The following FHIP2A variants were observed in gnomAD, a reference collection of about 807,000 sequenced individuals.
FHIP2A encodes FHF complex subunit HOOK interacting protein 2A.
A neutral mutation model predicts 93.5 loss-of-function variants in FHIP2A; 46 were observed. The observed-to-expected ratio is 0.49, with a 90% CI of 0.39 to 0.63. The LOEUF is 0.63. Ranked by LOEUF, FHIP2A falls within the 20% of genes least tolerant of loss-of-function variation. The probability of loss-of-function intolerance (pLI) is 0.00; values close to 1 mark genes in which losing one functional copy is unlikely to be tolerated. For missense variants in FHIP2A, 769 were observed against 909.7 expected (o/e 0.85, Z 1.99); for synonymous variants, 332 against 326.5 (o/e 1.02, Z -0.18).
chr10:114,868,359 G>C (rs1183260458), downstream of FHIP2A, among the ~76,000 whole-genome samples: 1 of 152,102 alleles, frequency 6.6e-6, no homozygotes, highest in Non-Finnish European at 1.5e-5. Context: ...GGGGATCTAG[G>C]TTGTACGCTC....
At chr10:114,864,718 C>T (rs1357598436), downstream of FHIP2A, 8 of 979,186 alleles carry the variant, frequency 8.2e-6, no homozygotes, top group Non-Finnish European at 9.7e-6. Context: ...TTAAACAAAA[C>T]GTCTTATGTT....
At chr10:114,847,741 C>T (rs1383402621) in intron 12 of FHIP2A, among the ~76,000 whole-genome samples, 1 of 145,956 alleles carries the variant, frequency 6.9e-6, no homozygotes, top group Non-Finnish European at 1.5e-5. Flanking sequence ...TCAAAGTTCC[C>T]TCCCCCACCT....
At chr10:114,830,604 G>GA (rs1362909975) in intron 1 of FHIP2A, among the ~76,000 whole-genome samples, 1 of 151,354 alleles carries the variant, frequency 6.6e-6, no homozygotes, top group East Asian at 1.9e-4. Context: ...GTCAGGGGAG[G>GA]AAAAAAAAGC....
At chr10:114,837,437 C>T (rs1279996697) in intron 5 of FHIP2A, among the ~76,000 whole-genome samples, 2 of 152,158 alleles carry the variant, frequency 1.3e-5, no homozygotes, top group Non-Finnish European at 2.9e-5. Context: ...ATCCCTTGAA[C>T]CCGGGAGGTG....
At position 114,875,910 on chromosome 10, in the gene FHIP2A, G is replaced by GAGAAAGAAAGAA. The variant is rs77786368; in HGVS notation, c.2192+14588_2192+14599dup. Among the ~76,000 whole-genome samples, 179 of 74,810 alleles carry GAGAAAGAAAGAA rather than the reference G, an allele frequency of 2.4e-3. 8 individuals carry two copies. The highest frequency in any genetic ancestry group is 3.9e-3 in the Non-Finnish European group (128 of 32,878). The allele number at this position is 74,810 out of a possible 152,430, so 49.1% of individuals were successfully genotyped here. A position where few individuals can be genotyped will look rare whatever the true frequency, so the allele number is the denominator to read the frequency against. On this transcript the variant is annotated intron_variant, in intron 16 of 16. Coordinates refer to the FHIP2A transcript ENST00000369250. The stretch of plus-strand genomic sequence containing the variant: ...AAAGAGAGAGAAAGAAATAAAGAAA[G>GAGAAAGAAAGAA]AGAAAGAAAGAAAGAAAGAAAGAGA...
chr10:114,899,656 C>A, exon 17 of FHIP2A: 1 of 615,526 alleles, frequency 1.6e-6, no homozygotes, highest in South Asian at 2.0e-5. Flanking sequence ...ATTGGCAGAC[C>A]TGAATCACCT....
rs1592032013 is a variant in FHIP2A, at chr10:114,878,434, T to C, written c.2192+17100T>C. On this transcript the variant is annotated intron_variant, in intron 16 of 16. Transcript: ENST00000369250. ...ACTCATAGAAGCTGCTGGAGCCCATTTTCATATCTTTGTGGATGGACAATG... is the reference window on the plus strand; with the variant it reads ...ACTCATAGAAGCTGCTGGAGCCCATCTTCATATCTTTGTGGATGGACAATG... Among the ~76,000 whole-genome samples the C allele has an allele frequency of 6.6e-5, 10 of 152,218 alleles. No individual in the cohort carries two copies. In the South Asian group the frequency reaches 2.1e-3, roughly 32 times the overall value.
chr10:114,882,086 G>C (rs4578301), intron 16 of FHIP2A, among the ~76,000 whole-genome samples: 57 of 152,240 alleles, frequency 3.7e-4, no homozygotes, highest in Non-Finnish European at 7.3e-5. Context: ...ACCTGAATCA[G>C]CACTGTGCCG....
In FHIP2A at chr10:114,861,549, T is replaced by G; in HGVS notation, c.*9T>G. ...CTTCCTCCACACCATAAATAACATC[T>G]TTCATGTAACTGGGGGAACAGAACT... On this transcript the variant is annotated 3_prime_UTR_variant, in exon 17 of 17. Coordinates refer to ENST00000369248, the MANE Select transcript of FHIP2A (RefSeq NM_020940.4). 6.8e-6 allele frequency: 11 copies of G among 1,612,444 alleles called. No individual in the cohort carries two copies. The highest frequency in any genetic ancestry group is 7.6e-6 in the Non-Finnish European group (9 of 1,179,838).
At chr10:114,896,588 A>G (rs1289564362) in intron 16 of FHIP2A, among the ~76,000 whole-genome samples, 1 of 152,214 alleles carries the variant, frequency 6.6e-6, no homozygotes, top group African/African-American at 2.4e-5. Flanking sequence ...CAGAAACTCA[A>G]AAGAATGCAA....
downstream of FHIP2A, among the ~76,000 whole-genome samples, chr10:114,866,936 C>A (rs184878306): frequency 2.6e-5 from 4 of 152,292 alleles, no homozygotes; most frequent in East Asian, 7.7e-4. Flanking sequence ...ACGCCGGGCG[C>A]GGTAGCTCAC....
At chr10:114,837,179 TAGGTGTG>T (rs1406382604) in intron 5 of FHIP2A, among the ~76,000 whole-genome samples, 1 of 152,108 alleles carries the variant, frequency 6.6e-6, no homozygotes, top group Non-Finnish European at 1.5e-5. Flanking sequence ...TCTGGTATTA[TAGGTGTG>T]AGCCACCACA....
chr10:114,889,266 G>C (rs1166699959), intron 16 of FHIP2A, among the ~76,000 whole-genome samples: 2 of 152,124 alleles, frequency 1.3e-5, no homozygotes, highest in Non-Finnish European at 2.9e-5. Context: ...GGAGAAGGCA[G>C]CTAGAACTCA....
intron 5 of FHIP2A, among the ~76,000 whole-genome samples, chr10:114,838,450 C>T (rs1236653492): frequency 6.6e-6 from 1 of 151,880 alleles, no homozygotes; most frequent in Non-Finnish European, 1.5e-5. Context: ...TTCAAAAGGG[C>T]TGGAACAGTC....
chr10:114,882,118 C>T (rs548760996), intron 16 of FHIP2A, among the ~76,000 whole-genome samples: 1 of 152,228 alleles, frequency 6.6e-6, no homozygotes, highest in Admixed American at 6.5e-5. Context: ...AGTCTGCTTA[C>T]TCACGGACAG....
intron 16 of FHIP2A, among the ~76,000 whole-genome samples, chr10:114,889,666 T>C (rs1190265061): frequency 6.6e-6 from 1 of 152,210 alleles, no homozygotes; most frequent in Non-Finnish European, 1.5e-5. Flanking sequence ...GACCATCTTC[T>C]CAATGGCTGA....
intron 6 of FHIP2A, 70 bp downstream of exon 6, chr10:114,843,296 T>C: frequency 9.8e-7 from 1 of 1,016,368 alleles, no homozygotes; most frequent in Non-Finnish European, 1.3e-6. Flanking sequence ...ATTTTTTTAA[T>C]TTTAATTTTT....
chr10:114,865,763 A>G (rs1334382369), downstream of FHIP2A, among the ~76,000 whole-genome samples: 1 of 151,946 alleles, frequency 6.6e-6, no homozygotes, highest in East Asian at 1.9e-4. Context: ...GTAAAAGTTG[A>G]AGTTTTGCTA....
chr10:114,898,366 G>A (rs1273279968), intron 16 of FHIP2A, among the ~76,000 whole-genome samples: 2 of 152,182 alleles, frequency 1.3e-5, no homozygotes, highest in Non-Finnish European at 2.9e-5. Flanking sequence ...AATGGCCAGG[G>A]ACATTCATAC....
Sources: allele counts gnomAD v4.1 joint callset (sites outside exome capture counted in the v4.1 genomes callset), GRCh38; gene constraint gnomAD v4.1.1; transcripts MANE v1.5; gene names NCBI Gene and HGNC (gene_info 2026-07-23, HGNC 2026-07-21).